The following MARCHF1 variants were observed in gnomAD, a reference collection of about 807,000 sequenced individuals.
The protein encoded by MARCHF1 is E3 ubiquitin-protein ligase MARCHF1.
Under a neutral mutation model 54.2 loss-of-function variants are expected in MARCHF1, and 40 were observed. The ratio of observed to expected loss-of-function variants is 0.74; its 90% CI spans 0.57 to 0.96. The LOEUF (loss-of-function observed/expected upper bound fraction) is 0.96, where lower values mean the gene tolerates loss of function less well. Ranked by LOEUF, MARCHF1 falls within the 40% of genes least tolerant of loss-of-function variation. The probability of loss-of-function intolerance (pLI) is 0.00; values close to 1 mark genes in which losing one functional copy is unlikely to be tolerated. For missense variants in MARCHF1, 586 were observed against 656.5 expected, an observed-to-expected ratio of 0.89 and a Z score of 1.17; for synonymous variants, 236 against 236.3, an observed-to-expected ratio of 1.00 and a Z score of 0.01.
intron 5 of MARCHF1, among the ~76,000 whole-genome samples, chr4:163,653,708 T>A (rs1444672297): frequency 6.6e-6 from 1 of 151,688 alleles, no homozygotes; most frequent in Non-Finnish European, 1.5e-5. Context: ...AGGAACTAGA[T>A]GAGTGGATTT....
chr4:164,259,405 G>A (rs763092091), intron 1 of MARCHF1, among the ~76,000 whole-genome samples: 12 of 151,676 alleles, frequency 7.9e-5, no homozygotes, highest in Non-Finnish European at 1.5e-4. Flanking sequence ...TAGCTGGGAG[G>A]TAGTGGTGTG....
intron 1 of MARCHF1, among the ~76,000 whole-genome samples, chr4:164,237,160 T>A (rs945752604): frequency 6.6e-6 from 1 of 152,180 alleles, no homozygotes. Flanking sequence ...TTTGAATACA[T>A]CATTTACACC....
intron 5 of MARCHF1, among the ~76,000 whole-genome samples, chr4:163,636,168 C>T (rs1410082966): frequency 6.6e-6 from 1 of 152,092 alleles, no homozygotes; most frequent in African/African-American, 2.4e-5. Flanking sequence ...GGAAGCATTC[C>T]GTTTGAAAAC....
chr4:163,727,609 A>G (rs546640537), intron 4 of MARCHF1, among the ~76,000 whole-genome samples: 2 of 130,312 alleles, frequency 1.5e-5, no homozygotes, highest in African/African-American at 5.1e-5. Context: ...CTGGCCCTAA[A>G]TTAATTTTTT....
intron 1 of MARCHF1, among the ~76,000 whole-genome samples, chr4:164,166,127 A>G (rs1730374029): frequency 6.6e-6 from 1 of 152,032 alleles, no homozygotes; most frequent in Non-Finnish European, 1.5e-5. Context: ...AAGAAATTCA[A>G]ATAACTTTAT....
At chr4:163,976,623 G>A (rs537720814) in intron 3 of MARCHF1, among the ~76,000 whole-genome samples, 1 of 152,080 alleles carries the variant, frequency 6.6e-6, no homozygotes, top group Non-Finnish European at 1.5e-5. Context: ...CTGAGGCTAG[G>A]TTATCAAAAC....
At chr4:163,616,545 A>T (rs1033586310) in intron 5 of MARCHF1, among the ~76,000 whole-genome samples, 1 of 152,140 alleles carries the variant, frequency 6.6e-6, no homozygotes, top group Non-Finnish European at 1.5e-5. Context: ...AATCAAAGCC[A>T]CAGTGAGATG....
intron 5 of MARCHF1, among the ~76,000 whole-genome samples, chr4:163,697,149 G>C (rs142829189): frequency 1.2e-4 from 18 of 152,214 alleles, no homozygotes; most frequent in African/African-American, 4.1e-4. Context: ...AAGAAGTGTT[G>C]CCACCAGGGG....
At chr4:164,068,587 C>T (rs1213626434) in intron 2 of MARCHF1, among the ~76,000 whole-genome samples, 1 of 152,194 alleles carries the variant, frequency 6.6e-6, no homozygotes, top group East Asian at 1.9e-4. Context: ...TAGGTGCCTC[C>T]CTGCGGGGCA....
At chr4:163,998,633 T>C (rs1475615077) in intron 2 of MARCHF1, among the ~76,000 whole-genome samples, 1 of 151,728 alleles carries the variant, frequency 6.6e-6, no homozygotes, top group Non-Finnish European at 1.5e-5. Flanking sequence ...GACCAACATC[T>C]CCACAACTTT....
At chr4:163,868,776 A>C (rs990715479) in intron 3 of MARCHF1, among the ~76,000 whole-genome samples, 2 of 151,648 alleles carry the variant, frequency 1.3e-5, no homozygotes, top group African/African-American at 2.4e-5. Context: ...TTAAAAAAAA[A>C]TGTTTTTTGA....
At chr4:163,700,635 T>A (rs13105295) in intron 5 of MARCHF1, among the ~76,000 whole-genome samples, 178 bp downstream of exon 5, 46,380 of 151,884 alleles carry the variant, frequency 0.31, 8,931 homozygotes, top group Non-Finnish European at 0.44. Flanking sequence ...GCCTACTTAT[T>A]TTCTTGCGTA....
At chr4:163,809,052 G>A (rs773242439) in intron 4 of MARCHF1, among the ~76,000 whole-genome samples, 6 of 151,862 alleles carry the variant, frequency 4.0e-5, no homozygotes, top group Non-Finnish European at 7.4e-5. Flanking sequence ...TTTCCTCACC[G>A]CTTGCATCTT....
rs542014592 is a variant in MARCHF1 at position 163,892,543 on chromosome 4, A to G, written c.-38-38374T>C. Among the ~76,000 whole-genome samples, 416 of 152,038 alleles carry G rather than the reference A, an allele frequency of 2.7e-3. 2 individuals carry two copies. The highest frequency in any genetic ancestry group is 9.6e-3 in the African/African-American group (399 of 41,486). ...CACAAAAATACAGATATAATATGTA[A>G]CTAACCTGCACAATGTGCACATGTA... On this transcript the variant is annotated intron_variant, in intron 3 of 9. Transcript: ENST00000514618.
At chr4:164,229,238 C>A (rs1732342027) in intron 1 of MARCHF1, among the ~76,000 whole-genome samples, 1 of 152,148 alleles carries the variant, frequency 6.6e-6, no homozygotes, top group Non-Finnish European at 1.5e-5. Flanking sequence ...TTGTTTTTAA[C>A]GATGAATAGG....
At chr4:164,018,334 AGAAAT>A (rs1753590307) in intron 2 of MARCHF1, among the ~76,000 whole-genome samples, 1 of 152,044 alleles carries the variant, frequency 6.6e-6, no homozygotes, top group Non-Finnish European at 1.5e-5. Context: ...ACACTGTTAA[AGAAAT>A]GAAAAGGCAA....
chr4:163,804,453 C>T (rs1396893262), intron 4 of MARCHF1, among the ~76,000 whole-genome samples: 2 of 152,148 alleles, frequency 1.3e-5, no homozygotes, highest in Admixed American at 1.3e-4. Flanking sequence ...TTAACAAGCT[C>T]ACTGGGGGAT....
intron 2 of MARCHF1, among the ~76,000 whole-genome samples, chr4:164,035,814 C>T (rs762179028): frequency 7.3e-5 from 11 of 150,812 alleles, no homozygotes; most frequent in Non-Finnish European, 1.5e-4. Flanking sequence ...GGTGCGGTGG[C>T]TTACGCCTGT....
intron 3 of MARCHF1, among the ~76,000 whole-genome samples, chr4:163,879,484 T>C (rs967124017): frequency 6.6e-6 from 1 of 152,182 alleles, no homozygotes; most frequent in African/African-American, 2.4e-5. Context: ...TATGTACTAA[T>C]CTGGAAAGGT....
Sources: gnomAD v4.1 joint callset for allele counts (sites outside exome capture counted in the v4.1 genomes callset) on GRCh38, gnomAD v4.1.1 for gene constraint, MANE v1.5 for transcripts, NCBI Gene and HGNC (gene_info 2026-07-23, HGNC 2026-07-21) for gene names.